Variants in NLGN1 observed in about 807,000 individuals in gnomAD.
NLGN1 encodes neuroligin 1.
NLGN1 carries 12 observed loss-of-function variants against 65.5 expected under a neutral mutation model. That is an observed-to-expected ratio of 0.18 (90% CI 0.12 to 0.30). NLGN1 has a LOEUF of 0.30. Among genes scored for constraint, NLGN1 ranks in the 10% least tolerant of loss-of-function variants. The pLI is 1.00. For missense variants in NLGN1, 750 were observed against 1,007.1 expected, an observed-to-expected ratio of 0.74 and a Z score of 3.46; for synonymous variants, 350 against 359.5, an observed-to-expected ratio of 0.97 and a Z score of 0.30.
intron 2 of NLGN1, among the ~76,000 whole-genome samples, chr3:173,470,799 A>G (rs1725193957): frequency 1.3e-5 from 2 of 152,098 alleles, no homozygotes; most frequent in Admixed American, 1.3e-4. Flanking sequence ...GGGATTCTTA[A>G]TGATGAAAAC....
At chr3:174,069,111 A>G (rs1422774188) in intron 4 of NLGN1, among the ~76,000 whole-genome samples, 3 of 152,180 alleles carry the variant, frequency 2.0e-5, no homozygotes, top group African/African-American at 4.8e-5. Context: ...GGAGAGATAT[A>G]AAGAATGGGG....
At chr3:174,253,197 A>G (rs1023339214) in intron 4 of NLGN1, among the ~76,000 whole-genome samples, 1 of 152,180 alleles carries the variant, frequency 6.6e-6, no homozygotes, top group Non-Finnish European at 1.5e-5. Flanking sequence ...AAAGAAAAAA[A>G]AATGAATTCT....
intron 4 of NLGN1, among the ~76,000 whole-genome samples, chr3:174,145,266 G>A (rs1024745498): frequency 3.9e-5 from 6 of 152,114 alleles, no homozygotes; most frequent in Non-Finnish European, 8.8e-5. Context: ...TGTAATCACA[G>A]CACTTTGAGA....
chr3:173,822,948 A>AT (rs1261186231), intron 4 of NLGN1, among the ~76,000 whole-genome samples: 1 of 151,880 alleles, frequency 6.6e-6, no homozygotes, highest in South Asian at 2.1e-4. Flanking sequence ...AAAACCTGCT[A>AT]TTTTTTGGAA....
At chr3:173,461,491 C>T (rs574737566) in intron 2 of NLGN1, among the ~76,000 whole-genome samples, 38 of 152,048 alleles carry the variant, frequency 2.5e-4, no homozygotes, top group African/African-American at 8.4e-4. Context: ...ATTATAAAGA[C>T]TATTAACTTA....
chr3:174,195,969 G>A (rs1733339057), intron 4 of NLGN1, among the ~76,000 whole-genome samples: 1 of 152,092 alleles, frequency 6.6e-6, no homozygotes, highest in African/African-American at 2.4e-5. Flanking sequence ...GGAGTCCCCG[G>A]GCTCCTTAAT....
chr3:174,071,922 C>T (rs757406950), intron 4 of NLGN1, among the ~76,000 whole-genome samples: 3 of 151,920 alleles, frequency 2.0e-5, no homozygotes, highest in African/African-American at 4.8e-5. Context: ...AAGATCTAGT[C>T]GGAAGATCTG....
chr3:173,959,477 A>G lies in NLGN1; in HGVS notation c.646+151645A>G, dbSNP rs149768490. ...TTATGTTGATACATGAGAAAGAAAT[A>G]AACCTTTGGCTTCTTGTACCCTAAC... On this transcript the variant is annotated intron_variant, in intron 4 of 6. Coordinates refer to ENST00000457714, the Ensembl canonical transcript of NLGN1. Among the ~76,000 whole-genome samples the G allele has an allele frequency of 2.1e-4, 32 of 152,332 alleles. No homozygotes were observed. The East Asian group carries it at 6.0e-3, about 29-fold the overall frequency.
intron 4 of NLGN1, among the ~76,000 whole-genome samples, chr3:174,059,096 G>T (rs554167998): frequency 2.0e-5 from 3 of 152,254 alleles, no homozygotes; most frequent in South Asian, 4.1e-4. Context: ...AGTGTTTGGT[G>T]CTAACTGGGC....
At chr3:174,148,990 C>G (rs896867092) in intron 4 of NLGN1, among the ~76,000 whole-genome samples, 1 of 152,102 alleles carries the variant, frequency 6.6e-6, no homozygotes, top group African/African-American at 2.4e-5. Context: ...TTTCCTACTC[C>G]TCTTTTATGT....
At chr3:174,152,286 T>C (rs1158003094) in intron 4 of NLGN1, among the ~76,000 whole-genome samples, 1 of 152,200 alleles carries the variant, frequency 6.6e-6, no homozygotes, top group African/African-American at 2.4e-5. Context: ...TCTATCCTTC[T>C]ATATACATAA....
At chr3:173,896,542 A>G (rs1376049102) in intron 4 of NLGN1, among the ~76,000 whole-genome samples, 1 of 152,174 alleles carries the variant, frequency 6.6e-6, no homozygotes, top group Admixed American at 6.5e-5. Context: ...TTTTACTTTC[A>G]TAGTGTTTAT....
chr3:173,613,118 A>T (rs1300592975), intron 3 of NLGN1, among the ~76,000 whole-genome samples: 2 of 152,148 alleles, frequency 1.3e-5, no homozygotes, highest in African/African-American at 2.4e-5. Flanking sequence ...AATTCAACCT[A>T]TAACTGTCAC....
rs960064544 is a variant in NLGN1 at position 174,069,543 on chromosome 3, A to C, written c.647-205772A>C. On this transcript the variant is annotated intron_variant, in intron 4 of 6. Coordinates refer to ENST00000457714, the Ensembl canonical transcript of NLGN1. ...CTTCCTATTTATATAAACCTATGTT[A>C]TCAAAACATATATTTTTCAAAGCAA... 1.9e-4 allele frequency among the ~76,000 whole-genome samples: 29 copies of C among 152,340 alleles called. No individual in the cohort carries two copies. In the Middle Eastern group the frequency reaches 0.01, roughly 54 times the overall value.
intron 2 of NLGN1, among the ~76,000 whole-genome samples, chr3:173,539,616 T>A (rs1560405587): frequency 2.9e-5 from 2 of 69,642 alleles, no homozygotes; most frequent in African/African-American, 1.2e-4. Flanking sequence ...ATGTTATATA[T>A]TATATATTTA....
intron 4 of NLGN1, among the ~76,000 whole-genome samples, chr3:174,157,923 T>A (rs1561183019): frequency 6.6e-6 from 1 of 151,752 alleles, no homozygotes; most frequent in Non-Finnish European, 1.5e-5. Flanking sequence ...TACTTTTTAG[T>A]CTTAAACATC....
chr3:174,117,570 G>GA (rs1716789221), intron 4 of NLGN1, among the ~76,000 whole-genome samples: 1 of 151,132 alleles, frequency 6.6e-6, no homozygotes, highest in Non-Finnish European at 1.5e-5. Context: ...GCAGTGAGCC[G>GA]AGATCACGCT....
intron 3 of NLGN1, among the ~76,000 whole-genome samples, chr3:173,609,284 T>C (rs947333839): frequency 6.6e-6 from 1 of 152,002 alleles, no homozygotes; most frequent in African/African-American, 2.4e-5. Context: ...AGACATTAAC[T>C]TGCTTTTCTA....
intron 3 of NLGN1, among the ~76,000 whole-genome samples, chr3:173,683,069 T>A (rs1360033338): frequency 6.6e-6 from 1 of 152,216 alleles, no homozygotes; most frequent in Non-Finnish European, 1.5e-5. Flanking sequence ...GCGTGCATTT[T>A]TGTGGTTAGT....
Sources: gnomAD v4.1 joint callset for allele counts (sites outside exome capture counted in the v4.1 genomes callset) on GRCh38, gnomAD v4.1.1 for gene constraint, MANE v1.5 for transcripts, NCBI Gene and HGNC (gene_info 2026-07-23, HGNC 2026-07-21) for gene names.